The following SP100 variants were observed in gnomAD, a reference collection of about 807,000 sequenced individuals.
The protein encoded by SP100 is SP100 nuclear body protein, also known as nuclear autoantigen Sp-100.
In SP100, 84 loss-of-function variants were observed where a neutral mutation model predicts 130.0. The observed-to-expected ratio is 0.65, with a 90% CI of 0.54 to 0.77. SP100 has a LOEUF of 0.77. Ranked by LOEUF, SP100 falls within the 30% of genes least tolerant of loss-of-function variation. The pLI, the probability that SP100 is intolerant of heterozygous loss-of-function variation, is 0.00. For missense variants in SP100, 978 were observed against 1,052.2 expected (o/e 0.93, Z 0.97); for synonymous variants, 331 against 351.7 (o/e 0.94, Z 0.66).
intron 24 of SP100, among the ~76,000 whole-genome samples, chr2:230,516,808 A>G (rs1212337590): frequency 2.6e-5 from 4 of 152,210 alleles, no homozygotes; most frequent in Admixed American, 2.0e-4. Flanking sequence ...GAAGTACCCA[A>G]TTGACAAGGA....
intron 25 of SP100, among the ~76,000 whole-genome samples, chr2:230,540,534 C>T (rs1441538542): frequency 1.3e-5 from 2 of 152,202 alleles, no homozygotes; most frequent in African/African-American, 2.4e-5. Context: ...AGGCCCAACA[C>T]TTTGTGCTTA....
intron 24 of SP100, among the ~76,000 whole-genome samples, chr2:230,520,440 C>A (rs148103318): frequency 6.6e-6 from 1 of 152,170 alleles, no homozygotes; most frequent in Non-Finnish European, 1.5e-5. Context: ...TCAACAAAAA[C>A]TCCTGTCTAG....
At position 230,506,167 on chromosome 2, in the gene SP100, G is replaced by C. The variant is rs137966348; in HGVS notation, c.1871-136G>C. The C allele has an allele frequency of 4.1e-3, 3,297 of 813,030 alleles. 34 individuals are homozygous for C. The highest frequency in any genetic ancestry group is 0.019 in the South Asian group (1,097 of 56,862). The allele number at this position is 813,030 out of a possible 1,614,324, so 50.4% of individuals were successfully genotyped here. A position where few individuals can be genotyped will look rare whatever the true frequency, so the allele number is the denominator to read the frequency against. On this transcript the variant is annotated intron_variant, in intron 21 of 28. Transcript: ENST00000340126. Reference sequence around the variant, plus strand: ...CCTTCAGGCTGGGTATGAAGCCCCTGATATCTGACAGGAAAATTCAGACTT... The same window carrying C: ...CCTTCAGGCTGGGTATGAAGCCCCTCATATCTGACAGGAAAATTCAGACTT...
intron 24 of SP100, among the ~76,000 whole-genome samples, chr2:230,519,152 T>A (rs1160906968): frequency 6.6e-6 from 1 of 152,216 alleles, no homozygotes; most frequent in Non-Finnish European, 1.5e-5. Flanking sequence ...AATCCTTCCA[T>A]ATGGCTAATG....
chr2:230,453,156 A>G (rs1263848257), intron 8 of SP100, among the ~76,000 whole-genome samples: 2 of 152,180 alleles, frequency 1.3e-5, no homozygotes, highest in Admixed American at 6.5e-5. Context: ...CCTTCTTTAC[A>G]TGGCAGCAGC....
At chr2:230,517,828 T>C (rs1389521037) in intron 24 of SP100, among the ~76,000 whole-genome samples, 1 of 152,188 alleles carries the variant, frequency 6.6e-6, no homozygotes, top group Non-Finnish European at 1.5e-5. Context: ...CTTTTAATTT[T>C]ATTAAAAGCA....
At chr2:230,488,514 C>T (rs1200724561) in intron 17 of SP100, among the ~76,000 whole-genome samples, 5 of 152,068 alleles carry the variant, frequency 3.3e-5, no homozygotes, top group South Asian at 4.1e-4. Flanking sequence ...CCCAGGTTCA[C>T]GGCATTCTCC....
At chr2:230,471,266 GAGA>G (rs1214716481) in intron 15 of SP100, among the ~76,000 whole-genome samples, 2 of 152,186 alleles carry the variant, frequency 1.3e-5, no homozygotes, top group African/African-American at 4.8e-5. Context: ...AATGAGAAGT[GAGA>G]AGGAGAACGA....
At chr2:230,526,568 C>G (rs1691437890) in intron 24 of SP100, among the ~76,000 whole-genome samples, 1 of 152,178 alleles carries the variant, frequency 6.6e-6, no homozygotes, top group South Asian at 2.1e-4. Flanking sequence ...ATGAGTTTGA[C>G]AAGTTCACAG....
At chr2:230,483,153 A>T (rs1431148642) in intron 17 of SP100, among the ~76,000 whole-genome samples, 1 of 152,230 alleles carries the variant, frequency 6.6e-6, no homozygotes, top group African/African-American at 2.4e-5. Context: ...GGGTATATAG[A>T]CAGTACACAA....
chr2:230,521,190 A>C (rs1037098407), intron 24 of SP100, among the ~76,000 whole-genome samples: 1 of 152,206 alleles, frequency 6.6e-6, no homozygotes, highest in African/African-American at 2.4e-5. Flanking sequence ...GGAGTCTGCC[A>C]AACTTGAAAC....
chr2:230,533,120 T>C (rs1020044328), intron 24 of SP100, among the ~76,000 whole-genome samples: 1 of 152,200 alleles, frequency 6.6e-6, no homozygotes, highest in African/African-American at 2.4e-5. Flanking sequence ...AATTACTGTG[T>C]GTGTGCTTAA....
chr2:230,507,905 T>C, intron 22 of SP100, 88 bp from the exon 23 acceptor site: 1 of 1,126,870 alleles, frequency 8.9e-7, no homozygotes, highest in Non-Finnish European at 1.3e-6. Flanking sequence ...GATATCCAGG[T>C]AGGAATATTT....
chr2:230,525,222 T>C (rs1486004459), intron 24 of SP100, among the ~76,000 whole-genome samples: 1 of 152,182 alleles, frequency 6.6e-6, no homozygotes, highest in Non-Finnish European at 1.5e-5. Flanking sequence ...TCATAGATGG[T>C]CTGTGTAAGC....
At chr2:230,416,966 A>G in intron 1 of SP100, 2 of 865,258 alleles carry the variant, frequency 2.3e-6, no homozygotes, top group Non-Finnish European at 2.8e-6. Flanking sequence ...AGAGAAGGAA[A>G]TCCTAACTTT....
chr2:230,541,253 T>C (rs557433711), intron 26 of SP100, 48 bp from the exon 27 acceptor site: 293 of 1,559,708 alleles, frequency 1.9e-4, no homozygotes, highest in Admixed American at 3.0e-4. Context: ...ATATGAGCTC[T>C]TTCTCTCTAA....
In SP100 at chr2:230,508,087, A is replaced by C. The variant is rs763826200; in HGVS notation, c.2052+56A>C. ...TCGTCTATTATGTTGTTGATTTTCT[A>C]TCTCTGTGGACTTACAGTCTTTAAA... On this transcript the variant is annotated intron_variant, in intron 23 of 28. Transcript: ENST00000340126. 4.4e-6 allele frequency: 7 copies of C among 1,605,588 alleles called. No individual in the cohort carries two copies. In the East Asian group the frequency reaches 1.3e-4, roughly 31 times the overall value.
At chr2:230,436,369 C>T (rs10180055) in intron 2 of SP100, among the ~76,000 whole-genome samples, 40,667 of 151,896 alleles carry the variant, frequency 0.27, 5,633 homozygotes, top group Non-Finnish European at 0.29. Flanking sequence ...TTGTAATCCC[C>T]GTAATCTCCA....
chr2:230,473,165 A>G, intron 15 of SP100, 159 bp from the exon 16 acceptor site: 1 of 537,536 alleles, frequency 1.9e-6, no homozygotes, highest in Non-Finnish European at 3.4e-6. Context: ...AACAGAAGGG[A>G]AAAATACAGT....
Sources: gnomAD v4.1 joint callset for allele counts (sites outside exome capture counted in the v4.1 genomes callset) on GRCh38, gnomAD v4.1.1 for gene constraint, MANE v1.5 for transcripts, NCBI Gene and HGNC (gene_info 2026-07-23, HGNC 2026-07-21) for gene names.